The following PLEKHG4B variants were observed in gnomAD, a reference collection of about 807,000 sequenced individuals.
PLEKHG4B encodes the protein pleckstrin homology and RhoGEF domain containing G4B.
Under a neutral mutation model 121.3 loss-of-function variants are expected in PLEKHG4B, and 111 were observed. The observed-to-expected ratio is 0.92, with a 90% confidence interval of 0.78 to 1.07. The LOEUF (loss-of-function observed/expected upper bound fraction) is 1.07, where lower values mean the gene tolerates loss of function less well. Ranked by LOEUF, PLEKHG4B falls within the 50% of genes least tolerant of loss-of-function variation. The pLI is 0.00. For synonymous variants in PLEKHG4B, 738 were observed against 725.0 expected, an observed-to-expected ratio of 1.02 and a Z score of -0.29; for missense variants, 1,831 against 1,757.8, an observed-to-expected ratio of 1.04 and a Z score of -0.74.
intron 3 of PLEKHG4B, among the ~76,000 whole-genome samples, 177 bp downstream of exon 3, chr5:140,893 GCTGCACACCAACCCACTCCC>G (rs1735160069): frequency 2.8e-5 from 1 of 35,160 alleles, no homozygotes; most frequent in Non-Finnish European, 4.9e-5. Flanking sequence ...CACCCCTTCC[GCTGCACACCAACCCACTCCC>G]CTGCACACCC....
At position 140,630 on chromosome 5, in the gene PLEKHG4B, C is replaced by G. The variant is rs1735140050; in HGVS notation, c.1391C>G (p.Ser464Cys). 8 of 1,610,542 alleles carry G rather than the reference C, an allele frequency of 5.0e-6. No homozygotes were observed. The highest frequency in any genetic ancestry group is 6.8e-6 in the Non-Finnish European group (8 of 1,178,692). Residue 464 changes from serine (S) to cysteine (C), a missense_variant, in exon 3 of 20, where the codon TCC (serine) becomes TGC (cysteine). By Grantham distance (112) the Ser-to-Cys change is moderately radical. Coordinates refer to ENST00000637938, the MANE Select transcript of PLEKHG4B (RefSeq NM_052909.5). ...CACACCTCCCACCACTCAGCAGGCT[C>G]CAGGCCTGGGGGCCACCTAGGAGGA... ...ACHTSHHSAGSRPGGHLGGQA... is the reference protein window; with the variant it reads ...ACHTSHHSAGCRPGGHLGGQA...
At chr5:179,969 T>G (rs1736880026) in intron 18 of PLEKHG4B, among the ~76,000 whole-genome samples, 1 of 152,232 alleles carries the variant, frequency 6.6e-6, no homozygotes, top group African/African-American at 2.4e-5. Flanking sequence ...AGACTCTCTA[T>G]CCTGTGATCT....
chr5:106,235 G>A (rs1560897574), intron 1 of PLEKHG4B, among the ~76,000 whole-genome samples: 3 of 152,144 alleles, frequency 2.0e-5, no homozygotes, highest in South Asian at 4.1e-4. Flanking sequence ...ATAGCATATT[G>A]TGGTTCTCCT....
At chr5:145,774 G>T (rs546117318) in intron 6 of PLEKHG4B, among the ~76,000 whole-genome samples, 1 of 152,178 alleles carries the variant, frequency 6.6e-6, no homozygotes, top group African/African-American at 2.4e-5. Context: ...AGAGACCAGG[G>T]ACAGGGGGGT....
Position 161,670 on chromosome 5 carries a change from C to A in PLEKHG4B, c.2488-113C>A. On this transcript the variant is annotated intron_variant, in intron 11 of 19. Transcript: ENST00000637938. Reference sequence around the variant, plus strand: ...GAATGAGAGGCAGCAGCAGGCAGCACTGTGGGCCGTCCGAGCCTTGGTGCC... The same window carrying A: ...GAATGAGAGGCAGCAGCAGGCAGCAATGTGGGCCGTCCGAGCCTTGGTGCC... The A allele has an allele frequency of 2.2e-6, 3 of 1,393,304 alleles. 1 individual carries two copies. The highest frequency in any genetic ancestry group is 3.7e-5 in the Admixed American group (2 of 54,520). The allele number at this position is 1,393,304 out of a possible 1,614,324, so 86.3% of individuals were successfully genotyped here.
chr5:138,874 T>C (rs1028274476), intron 2 of PLEKHG4B, among the ~76,000 whole-genome samples: 5 of 152,276 alleles, frequency 3.3e-5, no homozygotes, highest in African/African-American at 1.2e-4. Context: ...GAAATGCTAA[T>C]GAAATCACAT....
intron 2 of PLEKHG4B, among the ~76,000 whole-genome samples, chr5:115,606 C>T (rs147836408): frequency 2.0e-5 from 3 of 152,336 alleles, no homozygotes; most frequent in South Asian, 2.1e-4. Context: ...TAAGCACAGC[C>T]ACCTTCATCA....
Position 174,080 on chromosome 5 carries a change from C to A in PLEKHG4B, c.4384C>A (p.Gln1462Lys). 6.3e-7 allele frequency: 1 copy of A among 1,581,266 alleles called. No homozygotes were observed. Among genetic ancestry groups the A allele is most frequent in the African/African-American group, 1.4e-5 (1 of 73,080 alleles). The change falls in exon 18 of 20, where the codon CAG (glutamine) becomes AAG (lysine). Residue 1462 changes from glutamine (Q) to lysine (K), a missense_variant. Coordinates refer to ENST00000637938, the MANE Select transcript of PLEKHG4B (RefSeq NM_052909.5). ...TDVIGRILWR[Q>K]ALKSRELRIQ... is the part of the protein sequence containing the mutation. ...TGTCATAGGGAGGATCCTGTGGCGG[C>A]AGGCACTAAAGAGCAGAGGTGGGAA...
At chr5:124,244 A>T (rs1734548380) in intron 2 of PLEKHG4B, among the ~76,000 whole-genome samples, 1 of 152,176 alleles carries the variant, frequency 6.6e-6, no homozygotes. Context: ...CCGAGACTTA[A>T]TTTGTGGCCT....
At chr5:124,165 T>C (rs984405778) in intron 2 of PLEKHG4B, among the ~76,000 whole-genome samples, 4 of 152,334 alleles carry the variant, frequency 2.6e-5, no homozygotes, top group Non-Finnish European at 1.5e-5. Flanking sequence ...ATTTCTGTTA[T>C]TGACTTCCAA....
chr5:154,222 C>G (rs182343642), intron 7 of PLEKHG4B, among the ~76,000 whole-genome samples: 1 of 151,506 alleles, frequency 6.6e-6, no homozygotes, highest in East Asian at 2.0e-4. Flanking sequence ...GCCAGGATAT[C>G]CTCGATCTCC....
At chr5:94,419 C>A (rs1733567806) in intron 1 of PLEKHG4B, among the ~76,000 whole-genome samples, 1 of 150,312 alleles carries the variant, frequency 6.7e-6, no homozygotes, top group Non-Finnish European at 1.5e-5. Flanking sequence ...TGACCCGAGA[C>A]CCCAACGTGC....
At chr5:151,793 C>T (rs1735613764) in intron 7 of PLEKHG4B, among the ~76,000 whole-genome samples, 194 bp downstream of exon 7, 1 of 152,190 alleles carries the variant, frequency 6.6e-6, no homozygotes. Context: ...AAAAATGTGA[C>T]CTTTCTTCTC....
intron 1 of PLEKHG4B, among the ~76,000 whole-genome samples, chr5:93,461 G>C (rs1733530955): frequency 6.6e-6 from 1 of 152,070 alleles, no homozygotes; most frequent in African/African-American, 2.4e-5. Flanking sequence ...AACCCACTGG[G>C]AAGCAGTGTT....
At chr5:131,879 G>A (rs752129040) in intron 2 of PLEKHG4B, among the ~76,000 whole-genome samples, 78 of 152,284 alleles carry the variant, frequency 5.1e-4, no homozygotes, top group Non-Finnish European at 1.0e-3. Context: ...GATGAGCATA[G>A]TTTCATGTGT....
chr5:174,125 G>A (rs6875054), intron 18 of PLEKHG4B, 27 bp downstream of exon 18: 1,038,194 of 1,512,196 alleles, frequency 0.69, 362,614 homozygotes, highest in Non-Finnish European at 0.72. Context: ...CGCAGGGCCT[G>A]CCAGGCTCAG....
In PLEKHG4B at chr5:147,182, A is replaced by G. The variant is rs61352302; in HGVS notation, c.1905+2262A>G. ...GGCCGAGGTCCAGACAAGAAGTGCC[A>G]TGAGTTGGGTTGCACCAGCTAGGCT... On this transcript the variant is annotated intron_variant, in intron 6 of 19. Coordinates refer to ENST00000637938, the MANE Select transcript of PLEKHG4B (RefSeq NM_052909.5). 3.6e-3 allele frequency among the ~76,000 whole-genome samples: 541 copies of G among 152,366 alleles called. 3 individuals carry two copies. The highest frequency in any genetic ancestry group is 0.012 in the African/African-American group (494 of 41,580).
intron 18 of PLEKHG4B, among the ~76,000 whole-genome samples, chr5:174,905 G>A (rs1041271830): frequency 6.6e-6 from 1 of 151,942 alleles, no homozygotes; most frequent in Non-Finnish European, 1.5e-5. Flanking sequence ...TCTCTCTAAG[G>A]GCCTAATCAC....
At chr5:127,828 T>C (rs892162300) in intron 2 of PLEKHG4B, among the ~76,000 whole-genome samples, 2 of 152,160 alleles carry the variant, frequency 1.3e-5, no homozygotes, top group Non-Finnish European at 2.9e-5. Flanking sequence ...TGAGAACATG[T>C]GCCTGAGGTG....
Sources: gnomAD v4.1 joint callset for allele counts (sites outside exome capture counted in the v4.1 genomes callset) on GRCh38, gnomAD v4.1.1 for gene constraint, MANE v1.5 for transcripts, NCBI Gene and HGNC (gene_info 2026-07-23, HGNC 2026-07-21) for gene names.